NWD2: variants seen among roughly 807,000 people sequenced by gnomAD.
NWD2 encodes the protein NACHT and WD repeat domain-containing protein 2.
A neutral mutation model predicts 132.7 loss-of-function variants in NWD2; 37 were observed. The observed-to-expected ratio is 0.28, with a 90% CI of 0.21 to 0.37. The LOEUF is 0.37. NWD2 is among the 10% of genes least tolerant of loss of function. The pLI is 1.00. For missense variants in NWD2, 1,592 were observed against 2,122.4 expected, an observed-to-expected ratio of 0.75 and a Z score of 4.91; for synonymous variants, 705 against 803.0, an observed-to-expected ratio of 0.88 and a Z score of 2.06.
chr4:37,329,837 T>C (rs1002912615), intron 2 of NWD2, among the ~76,000 whole-genome samples: 1 of 152,026 alleles, frequency 6.6e-6, no homozygotes, highest in Non-Finnish European at 1.5e-5. Flanking sequence ...AGCAGGAAAA[T>C]AGTGCAAACA....
intron 1 of NWD2, among the ~76,000 whole-genome samples, chr4:37,276,659 T>A (rs1278216106): frequency 6.6e-6 from 1 of 152,124 alleles, no homozygotes; most frequent in Non-Finnish European, 1.5e-5. Flanking sequence ...GGATTATAAA[T>A]CATGCTGCTA....
intron 3 of NWD2, among the ~76,000 whole-genome samples, chr4:37,419,742 C>A (rs1026073103): frequency 6.6e-6 from 1 of 152,130 alleles, no homozygotes; most frequent in Non-Finnish European, 1.5e-5. Context: ...AGCAGACTTA[C>A]GTACCACACA....
chr4:37,309,762 G>A (rs999486084), intron 1 of NWD2, among the ~76,000 whole-genome samples: 1 of 152,156 alleles, frequency 6.6e-6, no homozygotes, highest in African/African-American at 2.4e-5. Flanking sequence ...TCTTGGCTTT[G>A]AGTCAATCCC....
At chr4:37,333,720 A>T (rs1013782401) in intron 2 of NWD2, among the ~76,000 whole-genome samples, 3 of 152,180 alleles carry the variant, frequency 2.0e-5, no homozygotes, top group Non-Finnish European at 2.9e-5. Context: ...TCCCCAAATG[A>T]GTTCAGGAAG....
At position 37,308,960 on chromosome 4, in the gene NWD2, G is replaced by A. The variant is rs115360736; in HGVS notation, c.152-16976G>A. On this transcript the variant is annotated intron_variant, in intron 1 of 6. Transcript: ENST00000309447. ...ACATGGCAGCTCCACTTCTGTAGTG[G>A]GAAGGGCCATCAGTGGCAGCAGACA... Among the ~76,000 whole-genome samples, 1,248 of 152,232 alleles carry A rather than the reference G, an allele frequency of 8.2e-3. 14 individuals carry two copies. Among genetic ancestry groups the A allele is most frequent in the African/African-American group, 0.029 (1,189 of 41,534 alleles).
intron 1 of NWD2, among the ~76,000 whole-genome samples, chr4:37,287,820 C>T (rs1560385776): frequency 1.3e-5 from 2 of 152,158 alleles, no homozygotes; most frequent in East Asian, 3.9e-4. Flanking sequence ...GGGTCCTGTT[C>T]CCAAAGGAAT....
rs76093403 is a variant in NWD2, at chr4:37,441,827, C to T, written c.1297-1458C>T. Among the ~76,000 whole-genome samples, 1,156 of 152,294 alleles carry T rather than the reference C, an allele frequency of 7.6e-3. 46 individuals are homozygous for T. The East Asian group carries it at 0.08, about 11-fold the overall frequency. On this transcript the variant is annotated intron_variant, in intron 6 of 6. Coordinates refer to ENST00000309447, the MANE Select transcript of NWD2 (RefSeq NM_001144990.2). Reference sequence around the variant, plus strand: ...GTGACCTCATGTCCCTTTGAGGATGCAGATAGATATCTCATTTTTATCTCA... The same window carrying T: ...GTGACCTCATGTCCCTTTGAGGATGTAGATAGATATCTCATTTTTATCTCA...
chr4:37,352,252 T>TA (rs1719783704), intron 2 of NWD2, among the ~76,000 whole-genome samples: 1 of 152,204 alleles, frequency 6.6e-6, no homozygotes, highest in African/African-American at 2.4e-5. Context: ...TCTGTCTTGT[T>TA]CATCTGTCTA....
At chr4:37,315,578 TG>T (rs1718939863) in intron 1 of NWD2, among the ~76,000 whole-genome samples, 1 of 152,122 alleles carries the variant, frequency 6.6e-6, no homozygotes, top group Non-Finnish European at 1.5e-5. Context: ...AACATATTTG[TG>T]GTTTTGGATC....
intron 1 of NWD2, among the ~76,000 whole-genome samples, chr4:37,257,657 A>G (rs943111857): frequency 2.0e-5 from 3 of 152,224 alleles, no homozygotes; most frequent in Non-Finnish European, 2.9e-5. Flanking sequence ...TAAAAAAACT[A>G]TAGCACAAAA....
rs1005706629 is a variant in NWD2 at position 37,377,909 on chromosome 4, CAAAA to C, written c.357+21432_357+21435del. ...AAAACATTTTTTAAATGTTTCACCACAAAAAAAATAGTATGTGAAGTGATGGATT... is the reference window on the plus strand; with the variant it reads ...AAAACATTTTTTAAATGTTTCACCACAAAATAGTATGTGAAGTGATGGATT... On this transcript the variant is annotated intron_variant, in intron 3 of 6. Coordinates refer to ENST00000309447, the MANE Select transcript of NWD2 (RefSeq NM_001144990.2). 5.9e-5 allele frequency among the ~76,000 whole-genome samples: 9 copies of C among 151,648 alleles called. 1 individual carries two copies. The South Asian group carries it at 1.7e-3, about 28-fold the overall frequency.
At chr4:37,324,787 A>T (rs554494510) in intron 1 of NWD2, among the ~76,000 whole-genome samples, 30 of 152,306 alleles carry the variant, frequency 2.0e-4, no homozygotes, top group Admixed American at 4.6e-4. Flanking sequence ...CTGCAGCTGC[A>T]TTTCAGGCTT....
At chr4:37,250,802 A>G (rs1717342383) in intron 1 of NWD2, among the ~76,000 whole-genome samples, 1 of 152,222 alleles carries the variant, frequency 6.6e-6, no homozygotes, top group Non-Finnish European at 1.5e-5. Context: ...CATTGTATGA[A>G]CATCGTAGTG....
intron 3 of NWD2, among the ~76,000 whole-genome samples, chr4:37,427,523 T>C (rs1465651242): frequency 1.3e-5 from 2 of 152,202 alleles, no homozygotes; most frequent in Non-Finnish European, 2.9e-5. Flanking sequence ...TAGATTAAAA[T>C]AGAAGTGCTC....
chr4:37,349,966 T>C (rs968741008), intron 2 of NWD2, among the ~76,000 whole-genome samples: 3 of 152,228 alleles, frequency 2.0e-5, no homozygotes, highest in Non-Finnish European at 4.4e-5. Flanking sequence ...TGCTTGTTTT[T>C]GTCATGTTTG....
At chr4:37,321,276 T>C (rs1159516153) in intron 1 of NWD2, among the ~76,000 whole-genome samples, 1 of 152,202 alleles carries the variant, frequency 6.6e-6, no homozygotes, top group African/African-American at 2.4e-5. Flanking sequence ...AATAAAAAAA[T>C]TGGAATTAAT....
intron 3 of NWD2, among the ~76,000 whole-genome samples, chr4:37,378,540 A>G (rs1720392535): frequency 6.6e-6 from 1 of 152,220 alleles, no homozygotes; most frequent in African/African-American, 2.4e-5. Flanking sequence ...TTTTGCCAGG[A>G]TCTTAGGACA....
intron 1 of NWD2, among the ~76,000 whole-genome samples, chr4:37,254,786 C>A (rs999573831): frequency 1.3e-5 from 2 of 152,174 alleles, no homozygotes; most frequent in African/African-American, 4.8e-5. Context: ...TAATACCCCC[C>A]TTCTAATGAA....
At chr4:37,347,868 C>T (rs1022489101) in intron 2 of NWD2, among the ~76,000 whole-genome samples, 9 of 152,094 alleles carry the variant, frequency 5.9e-5, no homozygotes, top group East Asian at 1.9e-4. Flanking sequence ...AGAATCGAGA[C>T]GAGATTATGT....
Sources: gnomAD v4.1 joint callset for allele counts (sites outside exome capture counted in the v4.1 genomes callset) on GRCh38, gnomAD v4.1.1 for gene constraint, MANE v1.5 for transcripts, NCBI Gene and HGNC (gene_info 2026-07-23, HGNC 2026-07-21) for gene names.